The following CERKL variants were observed in gnomAD, a reference collection of about 807,000 sequenced individuals.
CERKL encodes ceramide kinase-like protein.
Under a neutral mutation model 63.4 loss-of-function variants are expected in CERKL, and 61 were observed. The ratio of observed to expected loss-of-function variants is 0.96; its 90% CI spans 0.78 to 1.19. The LOEUF is 1.19. CERKL is among the 50% of genes most tolerant of loss of function. The pLI, the probability that CERKL is intolerant of heterozygous loss-of-function variation, is 0.00. For synonymous variants in CERKL, 250 were observed against 230.5 expected, an observed-to-expected ratio of 1.08 and a Z score of -0.77; for missense variants, 675 against 655.5, an observed-to-expected ratio of 1.03 and a Z score of -0.33.
At chr2:181,555,059 T>C (rs901380664) in intron 5 of CERKL, among the ~76,000 whole-genome samples, 5 of 152,116 alleles carry the variant, frequency 3.3e-5, no homozygotes, top group African/African-American at 7.2e-5. Flanking sequence ...GAAATACTCT[T>C]CAAAATTATA....
intron 4 of CERKL, among the ~76,000 whole-genome samples, chr2:181,560,893 A>G (rs1688411484): frequency 1.3e-5 from 2 of 152,204 alleles, no homozygotes; most frequent in South Asian, 2.1e-4. Context: ...CAACTATTCA[A>G]TCATTAAGAT....
At chr2:181,652,150 C>A (rs1183382204) in intron 1 of CERKL, among the ~76,000 whole-genome samples, 3 of 149,274 alleles carry the variant, frequency 2.0e-5, no homozygotes, top group Non-Finnish European at 2.9e-5. Flanking sequence ...ATGTTACAAT[C>A]TGAAAATTCA....
At chr2:181,577,328 A>G (rs934326077) in intron 2 of CERKL, among the ~76,000 whole-genome samples, 1 of 152,234 alleles carries the variant, frequency 6.6e-6, no homozygotes, top group East Asian at 1.9e-4. Context: ...TGCCAGCTAG[A>G]GGTATCTAAT....
chr2:181,599,393 C>T (rs912547058), intron 2 of CERKL, among the ~76,000 whole-genome samples: 3 of 151,592 alleles, frequency 2.0e-5, no homozygotes, highest in Admixed American at 6.6e-5. Flanking sequence ...AAAAATTAGT[C>T]GGGGGTGGTG....
chr2:181,649,592 C>T (rs368293381), intron 1 of CERKL: 14 of 152,314 alleles, frequency 9.2e-5, no homozygotes, highest in African/African-American at 3.4e-4. Context: ...AACATTCCGT[C>T]CAACAGCTGC....
intron 3 of CERKL, among the ~76,000 whole-genome samples, chr2:181,570,072 A>G (rs1688840144): frequency 6.6e-6 from 1 of 152,180 alleles, no homozygotes; most frequent in South Asian, 2.1e-4. Context: ...GCCAATATGC[A>G]TACTGAAATG....
At chr2:181,595,857 T>A (rs956977861) in intron 2 of CERKL, among the ~76,000 whole-genome samples, 1 of 152,250 alleles carries the variant, frequency 6.6e-6, no homozygotes, top group Non-Finnish European at 1.5e-5. Context: ...TAGTTCTTGA[T>A]GCTATTATTA....
intron 1 of CERKL, among the ~76,000 whole-genome samples, chr2:181,647,027 C>T (rs1270555008): frequency 1.3e-5 from 2 of 152,148 alleles, no homozygotes; most frequent in Non-Finnish European, 2.9e-5. Context: ...GAGTCTTGAA[C>T]ATATCTCTGC....
At chr2:181,650,778 A>G (rs527285255) in intron 1 of CERKL, among the ~76,000 whole-genome samples, 117 of 147,870 alleles carry the variant, frequency 7.9e-4, no homozygotes, top group Non-Finnish European at 9.9e-4. Context: ...AGAAAGAAAG[A>G]AAAAAAAGAA....
chr2:181,541,225 G>A (rs905107642), intron 11 of CERKL, among the ~76,000 whole-genome samples: 25 of 152,296 alleles, frequency 1.6e-4, no homozygotes, highest in African/African-American at 4.8e-4. Context: ...AAAAGGCATC[G>A]GGGATGAACA....
intron 2 of CERKL, among the ~76,000 whole-genome samples, chr2:181,599,756 G>T (rs752127415): frequency 1.4e-4 from 21 of 152,198 alleles, no homozygotes; most frequent in Non-Finnish European, 2.1e-4. Flanking sequence ...AGAAGAGGAA[G>T]AAGTAAGCAA....
chr2:181,634,458 G>T (rs1196223843), intron 1 of CERKL, among the ~76,000 whole-genome samples: 1 of 152,102 alleles, frequency 6.6e-6, no homozygotes, highest in Admixed American at 6.6e-5. Flanking sequence ...AGCATCAGTA[G>T]CAGCAGTAAT....
intron 1 of CERKL, among the ~76,000 whole-genome samples, chr2:181,618,397 C>G (rs1686302137): frequency 1.3e-5 from 2 of 151,110 alleles, no homozygotes; most frequent in South Asian, 4.2e-4. Flanking sequence ...ATGCAATGAA[C>G]TTACTGTTAT....
intron 11 of CERKL, among the ~76,000 whole-genome samples, chr2:181,541,027 C>T (rs560964455): frequency 6.6e-6 from 1 of 152,310 alleles, no homozygotes; most frequent in South Asian, 2.1e-4. Context: ...CAGTGTGACT[C>T]CTAGGTGCTC....
At chr2:181,582,290 T>C (rs1040965673) in intron 2 of CERKL, among the ~76,000 whole-genome samples, 1 of 152,108 alleles carries the variant, frequency 6.6e-6, no homozygotes, top group Non-Finnish European at 1.5e-5. Context: ...ATCTCTAAAC[T>C]AGGTTCCTTT....
intron 5 of CERKL, among the ~76,000 whole-genome samples, chr2:181,555,907 C>T (rs898690008): frequency 1.3e-5 from 2 of 152,024 alleles, no homozygotes; most frequent in African/African-American, 2.4e-5. Flanking sequence ...CGCACACCAC[C>T]ATGCCCAGCT....
At chr2:181,616,480 G>C (rs1213173394) in intron 1 of CERKL, among the ~76,000 whole-genome samples, 3 of 152,002 alleles carry the variant, frequency 2.0e-5, no homozygotes, top group African/African-American at 7.2e-5. Flanking sequence ...CCAAAGTGTT[G>C]GGATTACAGG....
At chr2:181,617,928 A>G (rs193012877) in intron 1 of CERKL, among the ~76,000 whole-genome samples, 5 of 152,360 alleles carry the variant, frequency 3.3e-5, no homozygotes, top group African/African-American at 1.2e-4. Context: ...TTTTCCTTAG[A>G]TACTTGAATC....
At chr2:181,570,913 A>G (rs1688874841) in intron 3 of CERKL, among the ~76,000 whole-genome samples, 1 of 152,112 alleles carries the variant, frequency 6.6e-6, no homozygotes, top group Admixed American at 6.6e-5. Context: ...TCACACAAGG[A>G]TACATTAAAA....
Sources: gnomAD v4.1 joint callset for allele counts (sites outside exome capture counted in the v4.1 genomes callset) on GRCh38, gnomAD v4.1.1 for gene constraint, MANE v1.5 for transcripts, NCBI Gene and HGNC (gene_info 2026-07-23, HGNC 2026-07-21) for gene names.